LHFPL6: variants seen among roughly 807,000 people sequenced by gnomAD.
The protein encoded by LHFPL6 is LHFPL tetraspan subfamily member 6.
Under a neutral mutation model 20.6 loss-of-function variants are expected in LHFPL6, and 9 were observed. The observed-to-expected ratio is 0.44, with a 90% CI of 0.26 to 0.76. The LOEUF (loss-of-function observed/expected upper bound fraction) is 0.76. Ranked by LOEUF, LHFPL6 falls within the 30% of genes least tolerant of loss-of-function variation. The pLI, the probability that LHFPL6 is intolerant of heterozygous loss-of-function variation, is 0.20. For missense variants in LHFPL6, 218 were observed against 253.5 expected (o/e 0.86, Z 0.95); for synonymous variants, 105 against 98.7 (o/e 1.06, Z -0.38).
At chr13:39,492,441 A>G (rs1868957330) in intron 2 of LHFPL6, among the ~76,000 whole-genome samples, 1 of 152,204 alleles carries the variant, frequency 6.6e-6, no homozygotes, top group African/African-American at 2.4e-5. Context: ...GCTTTTAGAA[A>G]TCAATTTTCT....
In LHFPL6 at chr13:39,562,375, CAT is replaced by C. The variant is rs1231601466; in HGVS notation, c.385+38455_385+38456del. Reference sequence around the variant, plus strand: ...ACATATATATACATATACATATATACATATATACATATACATATATATACATA... The same window carrying C: ...ACATATATATACATATACATATATACATATACATATACATATATATACATA... On this transcript the variant is annotated intron_variant, in intron 2 of 3. Transcript: ENST00000379589. Among the ~76,000 whole-genome samples the C allele has an allele frequency of 4.2e-3, 424 of 100,930 alleles. 13 individuals are homozygous for C. The highest frequency in any genetic ancestry group is 0.016 in the East Asian group (53 of 3,266). 66.2% of individuals were successfully genotyped at this position (100,930 alleles called of 152,430 possible).
At chr13:39,398,859 A>T (rs1043172123) in intron 2 of LHFPL6, among the ~76,000 whole-genome samples, 6 of 152,214 alleles carry the variant, frequency 3.9e-5, no homozygotes, top group Non-Finnish European at 8.8e-5. Flanking sequence ...CCTTATGAGA[A>T]TCTAATGCCT....
At chr13:39,555,170 T>C (rs996149182) in intron 2 of LHFPL6, among the ~76,000 whole-genome samples, 3 of 152,166 alleles carry the variant, frequency 2.0e-5, no homozygotes, top group Non-Finnish European at 2.9e-5. Flanking sequence ...CTGACAAATA[T>C]GACTATGTTA....
At chr13:39,463,521 T>C (rs550573206) in intron 2 of LHFPL6, among the ~76,000 whole-genome samples, 99 of 152,310 alleles carry the variant, frequency 6.5e-4, no homozygotes, top group African/African-American at 2.1e-3. Context: ...TATTAATGTA[T>C]ATCTTGCATA....
At chr13:39,415,295 T>C (rs1871320689) in intron 2 of LHFPL6, among the ~76,000 whole-genome samples, 1 of 152,164 alleles carries the variant, frequency 6.6e-6, no homozygotes, top group South Asian at 2.1e-4. Context: ...CCGTTGGATT[T>C]CTGAAAAGCT....
chr13:39,493,241 G>T (rs1434425861), intron 2 of LHFPL6, among the ~76,000 whole-genome samples: 1 of 149,920 alleles, frequency 6.7e-6, no homozygotes, highest in Non-Finnish European at 1.5e-5. Context: ...GGACAAGGTG[G>T]GCAGATCACC....
chr13:39,486,537 G>C (rs533838345), intron 2 of LHFPL6, among the ~76,000 whole-genome samples: 3 of 152,270 alleles, frequency 2.0e-5, no homozygotes, highest in Non-Finnish European at 4.4e-5. Flanking sequence ...GTCACCAATG[G>C]GAGCAGACAC....
intron 2 of LHFPL6, among the ~76,000 whole-genome samples, chr13:39,406,290 G>C (rs538124982): frequency 1.4e-3 from 214 of 152,154 alleles, no homozygotes; most frequent in African/African-American, 4.8e-3. Flanking sequence ...AGATTACCTA[G>C]AATTTATTTT....
intron 2 of LHFPL6, among the ~76,000 whole-genome samples, chr13:39,541,512 C>T (rs139756110): frequency 9.5e-4 from 144 of 152,240 alleles, no homozygotes; most frequent in African/African-American, 2.9e-3. Flanking sequence ...CTGCAGGCCT[C>T]ATCCTCTAAC....
chr13:39,467,211 TTTC>T (rs1872826023), intron 2 of LHFPL6, among the ~76,000 whole-genome samples: 2 of 152,208 alleles, frequency 1.3e-5, no homozygotes, highest in Non-Finnish European at 2.9e-5. Context: ...GATTCCCATC[TTTC>T]TTCTAAATCC....
chr13:39,599,107 C>A (rs984573293), intron 2 of LHFPL6, among the ~76,000 whole-genome samples: 3 of 152,146 alleles, frequency 2.0e-5, no homozygotes, highest in Non-Finnish European at 4.4e-5. Context: ...TGTTGCCTTC[C>A]TTCATTACAC....
intron 2 of LHFPL6, among the ~76,000 whole-genome samples, chr13:39,545,571 C>T (rs933470437): frequency 1.3e-5 from 2 of 152,028 alleles, no homozygotes; most frequent in Non-Finnish European, 2.9e-5. Flanking sequence ...ACAGTCATCC[C>T]TCCCCATCCA....
chr13:39,434,038 A>G (rs999855627), intron 2 of LHFPL6, among the ~76,000 whole-genome samples: 2 of 151,788 alleles, frequency 1.3e-5, no homozygotes, highest in African/African-American at 4.8e-5. Flanking sequence ...TTGGATTCCT[A>G]TTTTTCTTCC....
chr13:39,465,748 C>A (rs1390324700), intron 2 of LHFPL6, among the ~76,000 whole-genome samples: 2 of 151,988 alleles, frequency 1.3e-5, no homozygotes. Context: ...AGGGTGGCCT[C>A]GCAGAACAGA....
chr13:39,343,121 A>G lies in LHFPL6; in HGVS notation c.*815T>C, dbSNP rs766532752. The G allele has an allele frequency of 4.6e-4, 94 of 203,162 alleles. No individual in the cohort carries two copies. Among genetic ancestry groups the G allele is most frequent in the Admixed American group, 7.8e-4 (13 of 16,742 alleles). The allele number at this position is 203,162 out of a possible 1,614,324, so 12.6% of individuals were successfully genotyped here. A position where few individuals can be genotyped will look rare whatever the true frequency, so the allele number is the denominator to read the frequency against. On this transcript the variant is annotated 3_prime_UTR_variant, in exon 4 of 4. Transcript: ENST00000379589. ...AGTTGCCCCTTTTCTTCATAAGAATATCATAGCAGAAGCTACTCAGAGAAA... is the reference window on the plus strand; with the variant it reads ...AGTTGCCCCTTTTCTTCATAAGAATGTCATAGCAGAAGCTACTCAGAGAAA...
At position 39,406,981 on chromosome 13, in the gene LHFPL6, T is replaced by C. The variant is rs541910400; in HGVS notation, c.386-28455A>G. 1.5e-3 allele frequency among the ~76,000 whole-genome samples: 228 copies of C among 152,312 alleles called. 3 individuals carry two copies. In the South Asian group the frequency reaches 0.031, roughly 20 times the overall value. ...CATCAACACACCAAAGAAACCCTGT[T>C]TGACAGTCATTAAACCAACATGGGT... On this transcript the variant is annotated intron_variant, in intron 2 of 3. Transcript: ENST00000379589.
chr13:39,544,984 T>C (rs1362404460), intron 2 of LHFPL6, among the ~76,000 whole-genome samples: 1 of 151,262 alleles, frequency 6.6e-6, no homozygotes, highest in Non-Finnish European at 1.5e-5. Flanking sequence ...GGCTCACACC[T>C]GTAATCCCAG....
chr13:39,548,605 T>C (rs1413730182), intron 2 of LHFPL6, among the ~76,000 whole-genome samples: 1 of 152,080 alleles, frequency 6.6e-6, no homozygotes, highest in African/African-American at 2.4e-5. Flanking sequence ...CAAACTCATG[T>C]CCAAAATCAT....
chr13:39,586,113 G>A (rs367635001), intron 2 of LHFPL6, among the ~76,000 whole-genome samples: 7 of 151,874 alleles, frequency 4.6e-5, no homozygotes, highest in Middle Eastern at 3.4e-3. Flanking sequence ...AAAAGAAAAC[G>A]CCAAATTGTT....
Sources: gnomAD v4.1 joint callset for allele counts (sites outside exome capture counted in the v4.1 genomes callset) on GRCh38, gnomAD v4.1.1 for gene constraint, MANE v1.5 for transcripts, NCBI Gene and HGNC (gene_info 2026-07-23, HGNC 2026-07-21) for gene names.